THSD4: variants seen among roughly 807,000 people sequenced by gnomAD.
THSD4 encodes the protein thrombospondin type-1 domain-containing protein 4.
Under a neutral mutation model 119.0 loss-of-function variants are expected in THSD4, and 69 were observed. The ratio of observed to expected loss-of-function variants is 0.58; its 90% CI spans 0.48 to 0.71. The LOEUF is 0.71. Ranked by LOEUF, THSD4 falls within the 30% of genes least tolerant of loss-of-function variation. The pLI is 0.00. For synonymous variants in THSD4, 524 were observed against 540.4 expected (o/e 0.97, Z 0.42); for missense variants, 1,393 against 1,391.1 (o/e 1.00, Z -0.02).
intron 7 of THSD4, among the ~76,000 whole-genome samples, chr15:71,442,660 G>GTATGTATGTATGTATGTGTATATATATA (rs1555414328): frequency 3.9e-5 from 1 of 25,818 alleles, no homozygotes. Flanking sequence ...GTGTGTGTGT[G>GTATGTATGTATGTATGTGTATATATATA]TATATATATA....
chr15:71,476,486 C>T (rs544386829), intron 7 of THSD4, among the ~76,000 whole-genome samples: 54 of 152,268 alleles, frequency 3.5e-4, no homozygotes, highest in African/African-American at 1.2e-3. Flanking sequence ...AAGTGATCCA[C>T]CCACCTCGGC....
intron 3 of THSD4, among the ~76,000 whole-genome samples, chr15:71,172,702 T>TATATATATATATATATATGTGAC (rs1567145364): frequency 5.8e-5 from 6 of 103,052 alleles, no homozygotes; most frequent in African/African-American, 3.0e-4. Flanking sequence ...TATATATATA[T>TATATATATATATATATATGTGAC]ATATATATAT....
chr15:71,097,286 T>C (rs1350933576), intron 1 of THSD4, among the ~76,000 whole-genome samples: 1 of 152,144 alleles, frequency 6.6e-6, no homozygotes, highest in Non-Finnish European at 1.5e-5. Flanking sequence ...GGTGAAAGGC[T>C]GGGCACGGTG....
At chr15:71,172,402 A>T (rs115508278) in intron 3 of THSD4, among the ~76,000 whole-genome samples, 186 of 152,062 alleles carry the variant, frequency 1.2e-3, no homozygotes, top group African/African-American at 4.5e-3. Flanking sequence ...TATTGTTAAG[A>T]TAACCATTCT....
chr15:71,501,593 C>A (rs1418229190), intron 7 of THSD4, among the ~76,000 whole-genome samples: 1 of 152,218 alleles, frequency 6.6e-6, no homozygotes, highest in Non-Finnish European at 1.5e-5. Flanking sequence ...CATAGCAAGG[C>A]TGAGTTGATG....
At chr15:71,474,232 T>C (rs535306577) in intron 7 of THSD4, among the ~76,000 whole-genome samples, 1 of 152,122 alleles carries the variant, frequency 6.6e-6, no homozygotes, top group East Asian at 1.9e-4. Context: ...TTTTATTTTT[T>C]TTTTTGAGAT....
rs1454287184 is a variant in THSD4 at position 71,438,473 on chromosome 15, A to G, written c.1152+26650A>G. On this transcript the variant is annotated intron_variant, in intron 7 of 17. Coordinates refer to ENST00000261862, the MANE Select transcript of THSD4 (RefSeq NM_024817.3). Reference sequence around the variant, plus strand: ...TCATCCTGTTTTCTTTCAGCAATTTATGGTTCTGTGTTTTTACATTTTTAC... The same window carrying G: ...TCATCCTGTTTTCTTTCAGCAATTTGTGGTTCTGTGTTTTTACATTTTTAC... 2.0e-5 allele frequency among the ~76,000 whole-genome samples: 3 copies of G among 152,226 alleles called. No homozygotes were observed. In the East Asian group the frequency reaches 5.8e-4, roughly 29 times the overall value.
intron 1 of THSD4, among the ~76,000 whole-genome samples, chr15:71,122,612 A>G (rs2040417811): frequency 6.6e-6 from 1 of 152,210 alleles, no homozygotes; most frequent in African/African-American, 2.4e-5. Flanking sequence ...AATTTAGCAC[A>G]TGCAGATTTG....
intron 7 of THSD4, among the ~76,000 whole-genome samples, chr15:71,605,419 G>A (rs577946426): frequency 6.6e-6 from 1 of 152,310 alleles, no homozygotes; most frequent in East Asian, 1.9e-4. Context: ...CCAGAGCTCT[G>A]GCTCTAATAT....
At chr15:71,456,090 G>A (rs977403193) in intron 7 of THSD4, among the ~76,000 whole-genome samples, 9 of 152,108 alleles carry the variant, frequency 5.9e-5, no homozygotes, top group East Asian at 5.8e-4. Context: ...GTTATTTTGC[G>A]GTGTTTGCTT....
Position 71,449,365 on chromosome 15 carries a change from C to T in THSD4, c.1152+37542C>T, listed in dbSNP as rs188543071. On this transcript the variant is annotated intron_variant, in intron 7 of 17. Transcript: ENST00000261862. ...CTGTTTCTATGTGGCATTTCAGACA[C>T]TGGTGAAGAACATGAGCTTTGGAGT... Among the ~76,000 whole-genome samples the T allele has an allele frequency of 3.0e-3, 453 of 152,318 alleles. 1 individual carries two copies. The highest frequency in any genetic ancestry group is 4.4e-3 in the Non-Finnish European group (300 of 68,024).
intron 1 of THSD4, among the ~76,000 whole-genome samples, chr15:71,099,618 GCTTT>G (rs1411379364): frequency 6.6e-6 from 1 of 151,888 alleles, no homozygotes; most frequent in African/African-American, 2.4e-5. Flanking sequence ...ATATGGTTTA[GCTTT>G]CTTTCCATAT....
At chr15:71,712,291 T>C (rs1333635690) in intron 8 of THSD4, among the ~76,000 whole-genome samples, 1 of 152,210 alleles carries the variant, frequency 6.6e-6, no homozygotes, top group Non-Finnish European at 1.5e-5. Flanking sequence ...AGTGGAATTC[T>C]CACATGAACT....
At chr15:71,337,895 G>A (rs1357066797) in intron 6 of THSD4, among the ~76,000 whole-genome samples, 4 of 152,326 alleles carry the variant, frequency 2.6e-5, no homozygotes, top group South Asian at 4.1e-4. Context: ...ATGACTGTGG[G>A]CAACTTTCTG....
intron 3 of THSD4, among the ~76,000 whole-genome samples, chr15:71,211,481 C>T (rs2043887785): frequency 6.6e-6 from 1 of 152,084 alleles, no homozygotes; most frequent in Non-Finnish European, 1.5e-5. Context: ...GTTTCTCTTC[C>T]TTACTCTGGT....
At chr15:71,099,836 A>G (rs1021801805) in intron 1 of THSD4, among the ~76,000 whole-genome samples, 1 of 152,044 alleles carries the variant, frequency 6.6e-6, no homozygotes, top group African/African-American at 2.4e-5. Context: ...GTGGTGGCAC[A>G]CACCTGTGGT....
upstream of THSD4, chr15:71,112,326 A>C: frequency 1.7e-6 from 2 of 1,198,220 alleles, no homozygotes; most frequent in Non-Finnish European, 2.3e-6. Flanking sequence ...GGGTACTATT[A>C]ATAATTAATT....
At chr15:71,272,396 C>CAAAAAAA (rs61293620) in intron 6 of THSD4, among the ~76,000 whole-genome samples, 4 of 55,560 alleles carry the variant, frequency 7.2e-5, no homozygotes, top group Non-Finnish European at 5.9e-5. Context: ...GACTCTGTCT[C>CAAAAAAA]AAAAAAAAAA....
chr15:71,303,441 A>G (rs2044979904), intron 6 of THSD4, among the ~76,000 whole-genome samples: 2 of 152,242 alleles, frequency 1.3e-5, no homozygotes, highest in Non-Finnish European at 2.9e-5. Context: ...AACGTTGCAA[A>G]GAATAATGTG....
Sources: gnomAD v4.1 joint callset for allele counts (sites outside exome capture counted in the v4.1 genomes callset) on GRCh38, gnomAD v4.1.1 for gene constraint, MANE v1.5 for transcripts, NCBI Gene and HGNC (gene_info 2026-07-23, HGNC 2026-07-21) for gene names.